THSD4: variants seen among roughly 807,000 people sequenced by gnomAD.
THSD4 encodes the protein thrombospondin type 1 domain containing 4.
THSD4 carries 69 observed loss-of-function variants against 119.0 expected under a neutral mutation model. The observed-to-expected ratio is 0.58, with a 90% CI of 0.48 to 0.71. The LOEUF is 0.71. THSD4 is among the 30% of genes least tolerant of loss of function. THSD4 has a pLI of 0.00. For missense variants in THSD4, 1,393 were observed against 1,391.1 expected, an observed-to-expected ratio of 1.00 and a Z score of -0.02; for synonymous variants, 524 against 540.4, an observed-to-expected ratio of 0.97 and a Z score of 0.42.
intron 6 of THSD4, among the ~76,000 whole-genome samples, chr15:71,276,079 T>C (rs1267627827): frequency 6.6e-6 from 1 of 152,232 alleles, no homozygotes; most frequent in Non-Finnish European, 1.5e-5. Flanking sequence ...GAACACTCCA[T>C]GAATCAGTGG....
intron 6 of THSD4, among the ~76,000 whole-genome samples, chr15:71,358,518 A>G (rs1448892204): frequency 6.6e-6 from 1 of 152,208 alleles, no homozygotes; most frequent in Admixed American, 6.5e-5. Context: ...CAAGAGCTTC[A>G]GCTCTGGGGC....
chr15:71,369,499 T>A (rs1480212532), intron 6 of THSD4, among the ~76,000 whole-genome samples: 1 of 152,232 alleles, frequency 6.6e-6, no homozygotes, highest in African/African-American at 2.4e-5. Flanking sequence ...GAAGGGCTGT[T>A]GAATTTTGTC....
At chr15:71,603,947 A>G (rs1213295672) in intron 7 of THSD4, among the ~76,000 whole-genome samples, 1 of 152,182 alleles carries the variant, frequency 6.6e-6, no homozygotes. Context: ...AGAAGAACTG[A>G]ATATGGGCAA....
intron 8 of THSD4, among the ~76,000 whole-genome samples, chr15:71,692,080 A>G (rs1158849172): frequency 6.6e-6 from 1 of 152,258 alleles, no homozygotes; most frequent in Non-Finnish European, 1.5e-5. Context: ...CCAAATGACC[A>G]GAGCCTCCAT....
At chr15:71,458,223 A>T (rs1339833033) in intron 7 of THSD4, among the ~76,000 whole-genome samples, 3 of 152,226 alleles carry the variant, frequency 2.0e-5, no homozygotes, top group Admixed American at 1.3e-4. Flanking sequence ...AAATTTGGTG[A>T]CTTGCCAAAA....
At chr15:71,627,049 A>G (rs1394177983) in intron 7 of THSD4, among the ~76,000 whole-genome samples, 1 of 150,642 alleles carries the variant, frequency 6.6e-6, no homozygotes, top group Non-Finnish European at 1.5e-5. Context: ...GTCTGTATAC[A>G]TTTTCTGTTT....
chr15:71,456,652 G>A (rs1187362763), intron 7 of THSD4, among the ~76,000 whole-genome samples: 1 of 152,148 alleles, frequency 6.6e-6, no homozygotes, highest in Non-Finnish European at 1.5e-5. Context: ...CCCACCTTGA[G>A]GCTGCACTGC....
At chr15:71,230,551 G>T (rs1433102659) in intron 4 of THSD4, among the ~76,000 whole-genome samples, 1 of 152,206 alleles carries the variant, frequency 6.6e-6, no homozygotes, top group Non-Finnish European at 1.5e-5. Context: ...CGACAGCCAG[G>T]GGAGGCAGGC....
At chr15:71,665,189 G>A (rs1321301305) in intron 8 of THSD4, among the ~76,000 whole-genome samples, 2 of 152,106 alleles carry the variant, frequency 1.3e-5, no homozygotes, top group Non-Finnish European at 2.9e-5. Flanking sequence ...TAGCCATTCT[G>A]ACTGGTGTAA....
At chr15:71,669,155 T>TAA (rs2051472880) in intron 8 of THSD4, among the ~76,000 whole-genome samples, 1 of 152,206 alleles carries the variant, frequency 6.6e-6, no homozygotes. Flanking sequence ...TTCACACCGT[T>TAA]ACCAAAACTA....
intron 1 of THSD4, among the ~76,000 whole-genome samples, chr15:71,120,712 A>G (rs1388568670): frequency 6.6e-6 from 1 of 152,246 alleles, no homozygotes; most frequent in African/African-American, 2.4e-5. Flanking sequence ...GGAGCTCGTC[A>G]TGACCTGCTC....
At chr15:71,695,679 G>A (rs2052151770) in intron 8 of THSD4, among the ~76,000 whole-genome samples, 1 of 152,068 alleles carries the variant, frequency 6.6e-6, no homozygotes, top group East Asian at 1.9e-4. Flanking sequence ...CCAACCCAGG[G>A]AGCCACAGCC....
chr15:71,111,749 G>C (rs866553946), upstream of THSD4: 22 of 523,442 alleles, frequency 4.2e-5, no homozygotes, highest in African/African-American at 4.0e-4. Context: ...TGCTAGCAAC[G>C]TAGGGAATTA....
intron 1 of THSD4, among the ~76,000 whole-genome samples, chr15:71,103,235 A>G (rs1016005093): frequency 6.6e-6 from 1 of 151,310 alleles, no homozygotes; most frequent in Admixed American, 6.6e-5. Flanking sequence ...TTTCAATATC[A>G]TTTCTGATTT....
intron 7 of THSD4, among the ~76,000 whole-genome samples, chr15:71,426,354 T>A (rs140847527): frequency 2.8e-3 from 407 of 147,626 alleles, no homozygotes; most frequent in African/African-American, 9.8e-3. Context: ...TGTGTGCATT[T>A]GTAAGTATAG....
chr15:71,355,956 C>T (rs575081414), intron 6 of THSD4, among the ~76,000 whole-genome samples: 122 of 152,200 alleles, frequency 8.0e-4, no homozygotes, highest in Middle Eastern at 6.8e-3. Flanking sequence ...CAACCTCTGC[C>T]GCCCAGGTTT....
At chr15:71,751,650 GTTTTTATTTTTA>G (rs375557304) in intron 14 of THSD4, among the ~76,000 whole-genome samples, 13 of 151,016 alleles carry the variant, frequency 8.6e-5, no homozygotes, top group South Asian at 2.1e-4. Context: ...GGATTTTCTA[GTTTTTATTTTTA>G]TTTTTATTTT....
At chr15:71,354,307 G>A (rs919230514) in intron 6 of THSD4, among the ~76,000 whole-genome samples, 18 of 152,150 alleles carry the variant, frequency 1.2e-4, no homozygotes, top group African/African-American at 4.3e-4. Context: ...AAAGAAAAGG[G>A]AGCTGATAAA....
At chr15:71,198,794 G>A (rs547042868) in intron 3 of THSD4, among the ~76,000 whole-genome samples, 4 of 152,336 alleles carry the variant, frequency 2.6e-5, no homozygotes, top group African/African-American at 9.6e-5. Flanking sequence ...TTCACTGAAA[G>A]GGATGATCCC....
Sources: gnomAD v4.1 joint callset for allele counts (sites outside exome capture counted in the v4.1 genomes callset) on GRCh38, gnomAD v4.1.1 for gene constraint, MANE v1.5 for transcripts, NCBI Gene and HGNC (gene_info 2026-07-23, HGNC 2026-07-21) for gene names.